The following MACROD2 variants were observed in gnomAD, a reference collection of about 807,000 sequenced individuals.
MACROD2 encodes mono-ADP ribosylhydrolase 2.
Under a neutral mutation model 70.4 loss-of-function variants are expected in MACROD2, and 36 were observed. The ratio of observed to expected loss-of-function variants is 0.51; its 90% CI spans 0.39 to 0.68. The LOEUF (loss-of-function observed/expected upper bound fraction) is 0.68, where lower values mean the gene tolerates loss of function less well. Ranked by LOEUF, MACROD2 falls within the 30% of genes least tolerant of loss-of-function variation. The probability of loss-of-function intolerance (pLI) is 0.00; values close to 1 mark genes in which losing one functional copy is unlikely to be tolerated. For synonymous variants in MACROD2, 172 were observed against 178.8 expected (o/e 0.96, Z 0.30); for missense variants, 496 against 538.4 (o/e 0.92, Z 0.78).
At chr20:15,191,359 G>C (rs2076569169) in intron 5 of MACROD2, among the ~76,000 whole-genome samples, 1 of 152,224 alleles carries the variant, frequency 6.6e-6, no homozygotes, top group South Asian at 2.1e-4. Flanking sequence ...CCCTGAGATA[G>C]AAGATTTGAT....
intron 5 of MACROD2, among the ~76,000 whole-genome samples, chr20:14,702,237 T>C (rs1403558598): frequency 6.6e-6 from 1 of 152,088 alleles, no homozygotes; most frequent in African/African-American, 2.4e-5. Context: ...CCAAGAATTT[T>C]AAACATATTA....
chr20:15,303,435 A>G (rs1251766406), intron 6 of MACROD2, among the ~76,000 whole-genome samples: 1 of 152,146 alleles, frequency 6.6e-6, no homozygotes, highest in East Asian at 1.9e-4. Flanking sequence ...TCATAAAGTC[A>G]TCATGCCGCC....
At position 15,845,186 on chromosome 20, in the gene MACROD2, G is replaced by T. The variant is rs1277570503; in HGVS notation, c.646-17559G>T. ...TGCAGATATAATTAGTAAAGTTGAG[G>T]TCACGCTGGATTAAGGTAGATCCTA... On this transcript the variant is annotated intron_variant, in intron 8 of 17. Coordinates refer to ENST00000684519, the MANE Select transcript of MACROD2 (RefSeq NM_001351661.2). 2.0e-5 allele frequency among the ~76,000 whole-genome samples: 3 copies of T among 152,188 alleles called. No homozygotes were observed. In the South Asian group the frequency reaches 6.2e-4, roughly 32 times the overall value.
At chr20:15,563,069 C>T (rs189889133) in intron 8 of MACROD2, among the ~76,000 whole-genome samples, 161 of 152,260 alleles carry the variant, frequency 1.1e-3, no homozygotes, top group Middle Eastern at 3.4e-3. Flanking sequence ...ATGGGGTCTT[C>T]GAAATATGTG....
intron 8 of MACROD2, among the ~76,000 whole-genome samples, chr20:15,818,243 T>C (rs1387947922): frequency 1.3e-5 from 2 of 152,190 alleles, no homozygotes; most frequent in Non-Finnish European, 2.9e-5. Flanking sequence ...GGCTACTCCA[T>C]CAGCAGAGCA....
At chr20:15,102,307 C>A (rs947195928) in intron 5 of MACROD2, among the ~76,000 whole-genome samples, 1 of 151,894 alleles carries the variant, frequency 6.6e-6, no homozygotes, top group Non-Finnish European at 1.5e-5. Flanking sequence ...TATTGCCAAG[C>A]ATGTGAATAA....
intron 5 of MACROD2, chr20:14,904,845 G>T (rs1317555834): frequency 6.6e-6 from 1 of 152,182 alleles, no homozygotes; most frequent in African/African-American, 2.4e-5. Context: ...CATATTATAT[G>T]TATAGTAGGA....
chr20:15,700,519 G>A (rs888176136), intron 8 of MACROD2, among the ~76,000 whole-genome samples: 1 of 152,132 alleles, frequency 6.6e-6, no homozygotes, highest in Non-Finnish European at 1.5e-5. Context: ...TTTTCCCCCT[G>A]AATGTTTGGT....
intron 8 of MACROD2, among the ~76,000 whole-genome samples, chr20:15,791,378 C>G (rs888082105): frequency 6.6e-6 from 1 of 151,514 alleles, no homozygotes; most frequent in African/African-American, 2.4e-5. Context: ...TAGGCCATGT[C>G]AATCTGTATA....
chr20:15,189,387 G>A (rs1406630841), intron 5 of MACROD2, among the ~76,000 whole-genome samples: 1 of 152,036 alleles, frequency 6.6e-6, no homozygotes, highest in African/African-American at 2.4e-5. Context: ...CATACACAGA[G>A]AGAGAAAGAG....
intron 5 of MACROD2, among the ~76,000 whole-genome samples, chr20:15,104,943 GACTAT>G (rs2075899800): frequency 6.6e-6 from 1 of 152,100 alleles, no homozygotes; most frequent in Non-Finnish European, 1.5e-5. Flanking sequence ...GAAAAAAGGT[GACTAT>G]ACTATTCTTT....
At chr20:15,704,474 G>A (rs1219339114) in intron 8 of MACROD2, among the ~76,000 whole-genome samples, 1 of 152,108 alleles carries the variant, frequency 6.6e-6, no homozygotes, top group Non-Finnish European at 1.5e-5. Flanking sequence ...ACATAATATA[G>A]TATGAGTAAT....
intron 3 of MACROD2, among the ~76,000 whole-genome samples, chr20:14,233,698 C>CAAAAAAAAAA (rs1261096475): frequency 8.5e-4 from 23 of 27,184 alleles, no homozygotes; most frequent in East Asian, 3.2e-3. Flanking sequence ...CTCCGTCTCA[C>CAAAAAAAAAA]AAAAAAAAAA....
At chr20:14,787,009 TA>T (rs1403688969) in intron 5 of MACROD2, among the ~76,000 whole-genome samples, 1 of 152,088 alleles carries the variant, frequency 6.6e-6, no homozygotes, top group Admixed American at 6.5e-5. Context: ...GTTGCAGGCT[TA>T]AGTCTTACAT....
chr20:14,507,960 C>T (rs2084987566), intron 4 of MACROD2, among the ~76,000 whole-genome samples: 4 of 152,136 alleles, frequency 2.6e-5, no homozygotes, highest in Non-Finnish European at 5.9e-5. Flanking sequence ...AATATACTAG[C>T]TACAGCCTCC....
intron 2 of MACROD2, among the ~76,000 whole-genome samples, chr20:14,012,596 T>C (rs564187690): frequency 2.6e-4 from 39 of 152,324 alleles, no homozygotes; most frequent in Admixed American, 1.1e-3. Context: ...ACTTCAGCTT[T>C]TTCTTTTAAC....
At chr20:15,934,970 C>T (rs767778146) in intron 11 of MACROD2, among the ~76,000 whole-genome samples, 3 of 150,906 alleles carry the variant, frequency 2.0e-5, no homozygotes, top group Admixed American at 6.6e-5. Context: ...ATTACAGGCA[C>T]GAGCCACCAC....
chr20:15,357,998 C>T lies in MACROD2; in HGVS notation c.541-73407C>T, dbSNP rs1013920862. Among the ~76,000 whole-genome samples, 10 of 152,052 alleles carry T rather than the reference C, an allele frequency of 6.6e-5. No homozygotes were observed. The East Asian group carries it at 1.7e-3, about 26-fold the overall frequency. On this transcript the variant is annotated intron_variant, in intron 6 of 17. Coordinates refer to ENST00000684519, the MANE Select transcript of MACROD2 (RefSeq NM_001351661.2). ...ATTTTTTTTGTATTTTTAGTAGAGA[C>T]GGGGTTTCACCGTGTTAGCCAGGAT...
intron 3 of MACROD2, among the ~76,000 whole-genome samples, chr20:14,198,491 A>G (rs1397256556): frequency 6.6e-6 from 1 of 152,174 alleles, no homozygotes; most frequent in Non-Finnish European, 1.5e-5. Context: ...TAGAAACTTG[A>G]TTTTACCGCT....
Sources: gnomAD v4.1 joint callset for allele counts (sites outside exome capture counted in the v4.1 genomes callset) on GRCh38, gnomAD v4.1.1 for gene constraint, MANE v1.5 for transcripts, NCBI Gene and HGNC (gene_info 2026-07-23, HGNC 2026-07-21) for gene names.